The following TMEM200B variants were observed in gnomAD, a reference collection of about 807,000 sequenced individuals.
The protein encoded by TMEM200B is transmembrane protein TTMA.
Under a neutral mutation model 17.6 loss-of-function variants are expected in TMEM200B, and 12 were observed. The observed-to-expected ratio is 0.68, with a 90% confidence interval of 0.44 to 1.11. The LOEUF is 1.11. Among genes scored for constraint, TMEM200B ranks in the 50% least tolerant of loss-of-function variants. TMEM200B has a pLI of 0.00. For synonymous variants in TMEM200B, 234 were observed against 209.2 expected (o/e 1.12, Z -1.02); for missense variants, 456 against 447.6 (o/e 1.02, Z -0.17).
chr1:29,123,512 A>G (rs1301491019), intron 1 of TMEM200B, among the ~76,000 whole-genome samples: 1 of 151,888 alleles, frequency 6.6e-6, no homozygotes, highest in East Asian at 2.0e-4. Flanking sequence ...GGTCACCCGG[A>G]GCCCCGCGCG....
Position 29,120,784 on chromosome 1 carries a change from G to T in TMEM200B, c.*121C>A. 1 of 1,287,428 alleles carries T rather than the reference G, an allele frequency of 7.8e-7. No homozygotes were observed. Among genetic ancestry groups the T allele is most frequent in the Non-Finnish European group, 1.1e-6 (1 of 951,174 alleles). The allele number at this position is 1,287,428 out of a possible 1,614,324, so 79.8% of individuals were successfully genotyped here. A position where few individuals can be genotyped will look rare whatever the true frequency, so the allele number is the denominator to read the frequency against. ...ATGCCCTTCACAGCTGCTGTGGTCA[G>T]AGCATCCATCCCCAGCCTGGGATGT... On this transcript the variant is annotated 3_prime_UTR_variant, in exon 2 of 2. Transcript: ENST00000521452.
At position 29,123,603 on chromosome 1, in the gene TMEM200B, G is replaced by T. The variant is rs1250739211; in HGVS notation, c.-21+253C>A. Among the ~76,000 whole-genome samples, 4 of 152,198 alleles carry T rather than the reference G, an allele frequency of 2.6e-5. No individual in the cohort carries two copies. In the East Asian group the frequency reaches 7.8e-4, roughly 30 times the overall value. On this transcript the variant is annotated intron_variant, in intron 1 of 1. Transcript: ENST00000521452. ...GAGACCCCGAGCCGTGGAGGTAGTG[G>T]GCCGACGCTGGGGACACCAGGGAGG...
rs777392907 is a variant in TMEM200B at position 29,119,878 on chromosome 1, G to C, written c.*1027C>G. ...TTGTTTACATTTCTTGAAAAAATAG[G>C]AACTCGGGCAGCAGAATCAGATTGG... On this transcript the variant is annotated 3_prime_UTR_variant, in exon 2 of 2. Coordinates refer to ENST00000521452, the MANE Select transcript of TMEM200B (RefSeq NM_001003682.4). 6.6e-6 allele frequency: 1 copy of C among 152,572 alleles called. No homozygotes were observed. The highest frequency in any genetic ancestry group is 1.5e-5 in the Non-Finnish European group (1 of 68,008). The allele number at this position is 152,572 out of a possible 1,614,324, so 9.5% of individuals were successfully genotyped here.
rs1237496738 is a variant in TMEM200B, at chr1:29,121,496, G to C, written c.333C>G (p.His111Gln). Residue 111 changes from histidine (H) to glutamine (Q), a missense_variant, in exon 2 of 2, where the codon CAC becomes CAG. Physicochemically the swap from His to Gln is conservative, Grantham distance 24 (BLOSUM62 0). Transcript: ENST00000521452. The surrounding 1 kb of genome is among the most constrained non-coding windows in gnomAD (Gnocchi z 5.6). ...CCGGCCCGAGGAGCCGCAGCCGCTC[G>C]TGCGGGCCGTGAGCCCGGCCCCCGC... ...GRGGGRAHGP[H>Q]ERLRLLGPVI... 11 of 1,522,930 alleles carry C rather than the reference G, an allele frequency of 7.2e-6. No homozygotes were observed. In the East Asian group the frequency reaches 2.0e-4, roughly 27 times the overall value. 94.3% of individuals were successfully genotyped at this position (1,522,930 alleles called of 1,614,324 possible).
In TMEM200B at chr1:29,122,062, C is replaced by A. The variant is rs562886790; in HGVS notation, c.-20-214G>T. On this transcript the variant is annotated intron_variant, in intron 1 of 1. Transcript: ENST00000521452. ...AGCGGAGCTCCGAGCCAGGCACGCG[C>A]GGCAGAAGCCGGAGTTGGCCCGGCC... 4.6e-5 allele frequency among the ~76,000 whole-genome samples: 7 copies of A among 152,236 alleles called. No homozygotes were observed. In the East Asian group the frequency reaches 1.2e-3, roughly 25 times the overall value.
Position 29,121,504 on chromosome 1 carries a change from C to G in TMEM200B, c.325G>C (p.Gly109Arg). 6.6e-7 allele frequency: 1 copy of G among 1,516,792 alleles called. No individual in the cohort carries two copies. The highest frequency in any genetic ancestry group is 8.8e-7 in the Non-Finnish European group (1 of 1,137,584). 94.0% of individuals were successfully genotyped at this position (1,516,792 alleles called of 1,614,324 possible). Residue 109 changes from glycine (G) to arginine (R), a missense_variant, in exon 2 of 2, where the codon GGC becomes CGC. Coordinates refer to ENST00000521452, the MANE Select transcript of TMEM200B (RefSeq NM_001003682.4). The surrounding 1 kb of genome is among the most constrained non-coding windows in gnomAD (Gnocchi z 5.6). ...AGGAGCCGCAGCCGCTCGTGCGGGC[C>G]GTGAGCCCGGCCCCCGCCGCGACCC... is the stretch of plus-strand genomic sequence containing the variant. ...REGRGGGRAH[G>R]PHERLRLLGP...
chr1:29,120,897 C>T lies in TMEM200B; in HGVS notation c.*8G>A. On this transcript the variant is annotated 3_prime_UTR_variant, in exon 2 of 2. Transcript: ENST00000521452. ...CTGCAGCCTCAGAGCAGGCTGTCTC[C>T]CCTCTCTTCAGACCCGGGCCCCCAA... 6.3e-7 allele frequency: 1 copy of T among 1,585,296 alleles called. No individual in the cohort carries two copies. The highest frequency in any genetic ancestry group is 8.6e-7 in the Non-Finnish European group (1 of 1,164,250).
At position 29,120,785 on chromosome 1, in the gene TMEM200B, A is replaced by G; in HGVS notation, c.*120T>C. ...TGCCCTTCACAGCTGCTGTGGTCAG[A>G]GCATCCATCCCCAGCCTGGGATGTG... On this transcript the variant is annotated 3_prime_UTR_variant, in exon 2 of 2. Coordinates refer to ENST00000521452, the MANE Select transcript of TMEM200B (RefSeq NM_001003682.4). 7.8e-7 allele frequency: 1 copy of G among 1,280,704 alleles called. No homozygotes were observed. Among genetic ancestry groups the G allele is most frequent in the Non-Finnish European group, 1.1e-6 (1 of 944,998 alleles). The allele number at this position is 1,280,704 out of a possible 1,614,324, so 79.3% of individuals were successfully genotyped here.
Position 29,120,996 on chromosome 1 carries a change from C to G in TMEM200B, c.833G>C (p.Cys278Ser), listed in dbSNP as rs1194698483. 3 of 1,613,646 alleles carry G rather than the reference C, an allele frequency of 1.9e-6. No individual in the cohort carries two copies. The African/African-American group carries it at 4.0e-5, about 22-fold the overall frequency. ...CAGCCGTGGCCAGCTTCGGTGAGCA[C>G]AGTCCCGAGCTGCTGGGGCCCCAAG... ...LLLGAPAARD[C>S]AHRSWPRLDR... The change falls in exon 2 of 2, where the codon TGT becomes TCT. Residue 278 changes from cysteine (C) to serine (S), a missense_variant. Cys to Ser is a moderately radical substitution (Grantham distance 112). Transcript: ENST00000521452.
In TMEM200B at chr1:29,120,641, T is replaced by C. The variant is rs1265287994; in HGVS notation, c.*264A>G. 5 of 493,432 alleles carry C rather than the reference T, an allele frequency of 1.0e-5. No homozygotes were observed. The highest frequency in any genetic ancestry group is 1.8e-5 in the Non-Finnish European group (5 of 279,490). The allele number at this position is 493,432 out of a possible 1,614,324, so 30.6% of individuals were successfully genotyped here. ...CCAGCCCTGTTAGGGCTAAGGCCAC[T>C]TACAGAGGCTGAAGAAATTCCTGAG... On this transcript the variant is annotated 3_prime_UTR_variant, in exon 2 of 2. Transcript: ENST00000521452.
chr1:29,122,978 G>A (rs1279863961), intron 1 of TMEM200B, among the ~76,000 whole-genome samples: 1 of 152,214 alleles, frequency 6.6e-6, no homozygotes, highest in African/African-American at 2.4e-5. Flanking sequence ...AGAAGACGCG[G>A]CCCCCGCCCA....
At position 29,121,631 on chromosome 1, in the gene TMEM200B, A is replaced by G; in HGVS notation, c.198T>C (p.Gly66=). ...AGTAGCCGGCCACTGCAATGCCCAT[A>G]CCCACCAGTACCACGAGCGCCCCCA... ...AALGALVVLV[G]MGIAVAGYWP... The change falls in exon 2 of 2, where the codon GGT becomes GGC. Residue 66 remains glycine, a synonymous_variant. Transcript: ENST00000521452. This position sits in a 1 kb window ranked among gnomAD's most constrained non-coding sequence, Gnocchi z 5.6. 1 of 1,468,986 alleles carries G rather than the reference A, an allele frequency of 6.8e-7. No individual in the cohort carries two copies. Among genetic ancestry groups the G allele is most frequent in the Non-Finnish European group, 8.9e-7 (1 of 1,119,314 alleles). The allele number at this position is 1,468,986 out of a possible 1,614,324, so 91.0% of individuals were successfully genotyped here.
intron 1 of TMEM200B, chr1:29,122,449 C>T (rs1312774579): frequency 6.6e-6 from 1 of 152,318 alleles, no homozygotes; most frequent in Non-Finnish European, 1.5e-5. Context: ...CGCAGCGAAG[C>T]TGCAGCAGGA....
Position 29,121,897 on chromosome 1 carries a change from T to G in TMEM200B, c.-20-49A>C. 1 of 1,177,382 alleles carries G rather than the reference T, an allele frequency of 8.5e-7. No individual in the cohort carries two copies. The highest frequency in any genetic ancestry group is 1.1e-6 in the Non-Finnish European group (1 of 945,880). 72.9% of individuals were successfully genotyped at this position (1,177,382 alleles called of 1,614,324 possible). On this transcript the variant is annotated intron_variant, in intron 1 of 1. Transcript: ENST00000521452. The surrounding 1 kb of genome is among the most constrained non-coding windows in gnomAD (Gnocchi z 5.6). ...AGGACTGGACCGACGGGCCTCTAGC[T>G]TCAGGGCGCCAGGTTCGGGGCGCAA... is the stretch of plus-strand genomic sequence containing the variant.
chr1:29,121,190 A>G lies in TMEM200B; in HGVS notation c.639T>C (p.Pro213=). 6.2e-7 allele frequency: 1 copy of G among 1,613,490 alleles called. No individual in the cohort carries two copies. The highest frequency in any genetic ancestry group is 8.5e-7 in the Non-Finnish European group (1 of 1,180,014). ...TGAGCAAGGCAGGTAACCCCAAGCG[A>G]GGATTAGCGGGCTCTGAACGCAGAC... is the stretch of plus-strand genomic sequence containing the variant. ...VRSLRSEPAN[P]RLGLPALLNS... Residue 213 remains proline, a synonymous_variant, in exon 2 of 2, where the codon CCT becomes CCC. Coordinates refer to ENST00000521452, the MANE Select transcript of TMEM200B (RefSeq NM_001003682.4). This position sits in a 1 kb window ranked among gnomAD's most constrained non-coding sequence, Gnocchi z 5.6.
rs1467661960 is a variant in TMEM200B, at chr1:29,121,515, C to A, written c.314G>T (p.Gly105Val). 1 of 1,507,788 alleles carries A rather than the reference C, an allele frequency of 6.6e-7. No individual in the cohort carries two copies. Among genetic ancestry groups the A allele is most frequent in the Non-Finnish European group, 8.8e-7 (1 of 1,134,822 alleles). 93.4% of individuals were successfully genotyped at this position (1,507,788 alleles called of 1,614,324 possible). The change falls in exon 2 of 2, where the codon GGC (glycine) becomes GTC (valine). Residue 105 changes from glycine to valine, a missense_variant. Gly to Val is a moderately radical substitution (Grantham distance 109). Coordinates refer to ENST00000521452, the MANE Select transcript of TMEM200B (RefSeq NM_001003682.4). This position sits in a 1 kb window ranked among gnomAD's most constrained non-coding sequence, Gnocchi z 5.6. ...SELRREGRGGGRAHGPHERLR... is the reference protein window; with the variant it reads ...SELRREGRGGVRAHGPHERLR... ...CCGCTCGTGCGGGCCGTGAGCCCGG[C>A]CCCCGCCGCGACCCTCGCGTCGCAG... is the stretch of plus-strand genomic sequence containing the variant.
chr1:29,121,350 G>T lies in TMEM200B; in HGVS notation c.479C>A (p.Pro160His). Residue 160 changes from proline (P) to histidine (H), a missense_variant, in exon 2 of 2, where the codon CCC becomes CAC. Pro to His is a moderately conservative substitution (Grantham distance 77, BLOSUM62 -2). Coordinates refer to ENST00000521452, the MANE Select transcript of TMEM200B (RefSeq NM_001003682.4). This position sits in a 1 kb window ranked among gnomAD's most constrained non-coding sequence, Gnocchi z 5.6. ...GGCGCAGTCCCAGCCCGGGCCGTCG[G>T]GGGGCCGGAGCGCCTGGGCCCGCAG... ...GVLRAQALRP[P>H]DGPGWDCALL... 3 of 1,562,690 alleles carry T rather than the reference G, an allele frequency of 1.9e-6. No homozygotes were observed. The highest frequency in any genetic ancestry group is 2.6e-6 in the Non-Finnish European group (3 of 1,155,778).
chr1:29,120,148 A>T lies in TMEM200B; in HGVS notation c.*757T>A, dbSNP rs1671668710. 1 of 152,590 alleles carries T rather than the reference A, an allele frequency of 6.6e-6. No individual in the cohort carries two copies. Among genetic ancestry groups the T allele is most frequent in the Non-Finnish European group, 1.5e-5 (1 of 68,042 alleles). 9.5% of individuals were successfully genotyped at this position (152,590 alleles called of 1,614,324 possible). A position where few individuals can be genotyped will look rare whatever the true frequency, so the allele number is the denominator to read the frequency against. On this transcript the variant is annotated 3_prime_UTR_variant, in exon 2 of 2. Transcript: ENST00000521452. ...CTAAACTCAAGTCATTTTCTAAAGT[A>T]AGTTACCCACATTGACCAAAATGCA... is the stretch of plus-strand genomic sequence containing the variant.
Position 29,121,835 on chromosome 1 carries a change from G to A in TMEM200B, c.-7C>T, listed in dbSNP as rs368542354. On this transcript the variant is annotated 5_prime_UTR_variant, in exon 2 of 2. It adds an upstream start codon to the 5' untranslated region. Transcript: ENST00000521452. The surrounding 1 kb of genome is among the most constrained non-coding windows in gnomAD (Gnocchi z 5.6). ...CGGGGCTCCCGGCCGTCATCTCGCC[G>A]TCGTCTGGGCGCTCTGCGGAGAGAA... The A allele has an allele frequency of 4.8e-5, 62 of 1,286,978 alleles. No homozygotes were observed. Among genetic ancestry groups the A allele is most frequent in the Non-Finnish European group, 5.6e-5 (57 of 1,016,370 alleles). The allele number at this position is 1,286,978 out of a possible 1,614,324, so 79.7% of individuals were successfully genotyped here.
Sources: gnomAD v4.1 joint callset for allele counts (sites outside exome capture counted in the v4.1 genomes callset) on GRCh38, gnomAD v4.1.1 for gene constraint, Gnocchi (gnomAD v3.1) non-coding constraint, MANE v1.5 for transcripts, NCBI Gene and HGNC (gene_info 2026-07-23, HGNC 2026-07-21) for gene names.